The following SUMF1 variants were observed in gnomAD, a reference collection of about 807,000 sequenced individuals.
SUMF1 encodes the protein sulfatase modifying factor 1.
Under a neutral mutation model 47.6 loss-of-function variants are expected in SUMF1, and 48 were observed. The observed-to-expected ratio is 1.01, with a 90% confidence interval of 0.80 to 1.28. The LOEUF (loss-of-function observed/expected upper bound fraction) is 1.28, where lower values mean the gene tolerates loss of function less well. Among genes scored for constraint, SUMF1 ranks in the 50% most tolerant of loss-of-function variants. SUMF1 has a pLI of 0.00. For synonymous variants in SUMF1, 230 were observed against 192.1 expected, an observed-to-expected ratio of 1.20 and a Z score of -1.63; for missense variants, 571 against 485.4, an observed-to-expected ratio of 1.18 and a Z score of -1.66.
intron 8 of SUMF1, among the ~76,000 whole-genome samples, chr3:4,230,254 G>C (rs1696269971): frequency 6.6e-6 from 1 of 151,968 alleles, no homozygotes; most frequent in South Asian, 2.1e-4. Context: ...TAACTACTCA[G>C]AGTTAAACTT....
rs138556289 is a variant in SUMF1, at chr3:4,149,469, C to T, written c.1015-80724G>A. Among the ~76,000 whole-genome samples the T allele has an allele frequency of 2.6e-3, 396 of 152,296 alleles. 3 individuals are homozygous for T. Among genetic ancestry groups the T allele is most frequent in the Middle Eastern group, 0.01 (3 of 294 alleles). The stretch of plus-strand genomic sequence containing the variant: ...CTCAATGCTTGCAACACCTCTACCA[C>T]ATCCCCACATGGTCACTGAGCCAAC... On this transcript the variant is annotated intron_variant and NMD_transcript_variant, in intron 8 of 12. Transcript: ENST00000448413.
intron 9 of SUMF1, among the ~76,000 whole-genome samples, chr3:4,061,896 G>A (rs1695282102): frequency 6.6e-6 from 1 of 152,036 alleles, no homozygotes; most frequent in African/African-American, 2.4e-5. Flanking sequence ...GGCCGCTTTA[G>A]GCTACACTTA....
At chr3:4,036,217 C>T (rs916354691) in intron 9 of SUMF1, among the ~76,000 whole-genome samples, 1 of 152,152 alleles carries the variant, frequency 6.6e-6, no homozygotes, top group African/African-American at 2.4e-5. Flanking sequence ...GAGGATGAGA[C>T]AAAGGATCAT....
At chr3:4,256,137 G>C (rs1333549977) in intron 8 of SUMF1, among the ~76,000 whole-genome samples, 161 of 128,228 alleles carry the variant, frequency 1.3e-3, no homozygotes, top group African/African-American at 4.6e-3. Flanking sequence ...GAAATTTATA[G>C]CACTAAATGC....
chr3:4,327,613 T>C (rs76414704), intron 8 of SUMF1, among the ~76,000 whole-genome samples: 1,828 of 151,812 alleles, frequency 0.012, 19 homozygotes, highest in African/African-American at 0.037. Context: ...ATAGGAATCT[T>C]ATACAATTTT....
At chr3:4,393,394 G>A (rs1441427476) in intron 7 of SUMF1, among the ~76,000 whole-genome samples, 1 of 152,106 alleles carries the variant, frequency 6.6e-6, no homozygotes, top group African/African-American at 2.4e-5. Flanking sequence ...ATGCAGTGGT[G>A]CAATCATAGC....
chr3:4,044,064 T>C (rs1266138516), intron 9 of SUMF1, among the ~76,000 whole-genome samples: 1 of 152,180 alleles, frequency 6.6e-6, no homozygotes, highest in Non-Finnish European at 1.5e-5. Flanking sequence ...GGGTGCCTTC[T>C]CACTAAAGAC....
intron 8 of SUMF1, among the ~76,000 whole-genome samples, chr3:4,078,547 A>C (rs1692489720): frequency 6.6e-6 from 1 of 151,564 alleles, no homozygotes; most frequent in Non-Finnish European, 1.5e-5. Context: ...ATATGGTGCT[A>C]ATTATATGCC....
chr3:4,203,342 CTTTG>C lies in SUMF1; in HGVS notation c.1015-134601_1015-134598del, dbSNP rs201117847. ...TCACTTCTTTATCATTAATGACTTTCTTTGTTTCTTTTTCTGTTTTTTGCCTTTA... is the reference window on the plus strand; with the variant it reads ...TCACTTCTTTATCATTAATGACTTTCTTTCTTTTTCTGTTTTTTGCCTTTA... On this transcript the variant is annotated intron_variant and NMD_transcript_variant, in intron 8 of 12. Coordinates refer to the SUMF1 transcript ENST00000448413. Among the ~76,000 whole-genome samples the C allele has an allele frequency of 9.4e-3, 1,435 of 151,934 alleles. 20 individuals are homozygous for C. Among genetic ancestry groups the C allele is most frequent in the African/African-American group, 0.032 (1,323 of 41,510 alleles).
chr3:4,465,600 A>T (rs1390074391), intron 1 of SUMF1, among the ~76,000 whole-genome samples: 1 of 152,226 alleles, frequency 6.6e-6, no homozygotes, highest in East Asian at 1.9e-4. Context: ...AGTCTTCAAC[A>T]CACAAAAGAT....
chr3:4,221,414 G>GGTGTGTGTGT (rs113359661), intron 8 of SUMF1, among the ~76,000 whole-genome samples: 11 of 148,092 alleles, frequency 7.4e-5, no homozygotes, highest in African/African-American at 2.7e-4. Context: ...GGTTTTTTGG[G>GGTGTGTGTGT]GTGTGTGTGT....
At chr3:4,106,292 T>C (rs924428622) in intron 8 of SUMF1, among the ~76,000 whole-genome samples, 8 of 152,138 alleles carry the variant, frequency 5.3e-5, no homozygotes, top group African/African-American at 1.9e-4. Flanking sequence ...AAAGATAAAA[T>C]GAAGATAAAG....
At chr3:4,458,655 A>G (rs2079729413) in intron 1 of SUMF1, among the ~76,000 whole-genome samples, 1 of 152,196 alleles carries the variant, frequency 6.6e-6, no homozygotes, top group Non-Finnish European at 1.5e-5. Flanking sequence ...GGAGATCAAG[A>G]CCATCCTGGC....
At chr3:4,197,965 T>C (rs1695464061) in intron 8 of SUMF1, among the ~76,000 whole-genome samples, 1 of 151,240 alleles carries the variant, frequency 6.6e-6, no homozygotes, top group Non-Finnish European at 1.5e-5. Flanking sequence ...AATTAAAATA[T>C]CAGATCAAAA....
At chr3:4,228,170 A>C (rs764159539) in intron 8 of SUMF1, among the ~76,000 whole-genome samples, 1 of 152,094 alleles carries the variant, frequency 6.6e-6, no homozygotes, top group Non-Finnish European at 1.5e-5. Context: ...AGTCATTTTC[A>C]ATATATCATT....
intron 8 of SUMF1, among the ~76,000 whole-genome samples, chr3:4,166,442 T>C (rs1574943489): frequency 6.6e-6 from 1 of 152,258 alleles, no homozygotes; most frequent in Middle Eastern, 3.4e-3. Flanking sequence ...GATCCTAAAA[T>C]TCCAGATAGT....
At chr3:4,200,682 T>A (rs1175097134) in intron 8 of SUMF1, among the ~76,000 whole-genome samples, 3 of 152,146 alleles carry the variant, frequency 2.0e-5, no homozygotes, top group African/African-American at 4.8e-5. Context: ...AATAATTGCA[T>A]GAGGCAATTT....
intron 8 of SUMF1, among the ~76,000 whole-genome samples, chr3:4,293,201 A>G (rs1415974392): frequency 6.6e-6 from 1 of 152,168 alleles, no homozygotes; most frequent in Non-Finnish European, 1.5e-5. Context: ...TGCAGTTATA[A>G]TATGTAACTG....
At chr3:4,301,655 G>T (rs544932089) in intron 8 of SUMF1, among the ~76,000 whole-genome samples, 1 of 152,186 alleles carries the variant, frequency 6.6e-6, no homozygotes, top group Non-Finnish European at 1.5e-5. Flanking sequence ...TGAAGTGAAG[G>T]AATACAGAGT....
Sources: allele counts gnomAD v4.1 joint callset (sites outside exome capture counted in the v4.1 genomes callset), GRCh38; gene constraint gnomAD v4.1.1; transcripts MANE v1.5; gene names NCBI Gene and HGNC (gene_info 2026-07-23, HGNC 2026-07-21).